The following MYO16 variants were observed in gnomAD, a reference collection of about 807,000 sequenced individuals.
MYO16 encodes the protein unconventional myosin-XVI.
Under a neutral mutation model 205.3 loss-of-function variants are expected in MYO16, and 94 were observed. That is an observed-to-expected ratio of 0.46 (90% CI 0.39 to 0.54). The LOEUF is 0.54. Among genes scored for constraint, MYO16 ranks in the 20% least tolerant of loss-of-function variants. MYO16 has a pLI of 0.00. For synonymous variants in MYO16, 988 were observed against 954.0 expected, an observed-to-expected ratio of 1.04 and a Z score of -0.66; for missense variants, 2,315 against 2,387.5, an observed-to-expected ratio of 0.97 and a Z score of 0.63.
chr13:108,967,404 A>G (rs1165935324), intron 20 of MYO16, among the ~76,000 whole-genome samples: 1 of 152,186 alleles, frequency 6.6e-6, no homozygotes, highest in East Asian at 1.9e-4. Flanking sequence ...CTTCTAAACA[A>G]AAACCCTGGG....
intron 10 of MYO16, among the ~76,000 whole-genome samples, chr13:108,852,555 A>G (rs1877936629): frequency 6.6e-6 from 1 of 152,220 alleles, no homozygotes; most frequent in Admixed American, 6.5e-5. Context: ...AACCTTCCTC[A>G]GAAAGAAATA....
intron 3 of MYO16, among the ~76,000 whole-genome samples, chr13:108,715,552 G>A (rs1376154920): frequency 6.6e-6 from 1 of 152,214 alleles, no homozygotes; most frequent in Non-Finnish European, 1.5e-5. Context: ...ACTCGGAGAT[G>A]CTCAGTAGAT....
intron 27 of MYO16, among the ~76,000 whole-genome samples, chr13:109,076,605 T>C (rs1888113739): frequency 6.6e-6 from 1 of 152,096 alleles, no homozygotes; most frequent in Admixed American, 6.6e-5. Context: ...ATGCTCCATC[T>C]CAAGAAATCC....
intron 1 of MYO16, among the ~76,000 whole-genome samples, chr13:108,609,709 T>G (rs1391448956): frequency 6.6e-6 from 1 of 152,118 alleles, no homozygotes; most frequent in African/African-American, 2.4e-5. Context: ...ATACAGAGAT[T>G]TATTTATTTA....
At chr13:108,866,735 G>A (rs1878734885) in intron 12 of MYO16, among the ~76,000 whole-genome samples, 1 of 152,162 alleles carries the variant, frequency 6.6e-6, no homozygotes, top group Admixed American at 6.5e-5. Context: ...CCAGTCAATT[G>A]AAAATGCAGT....
rs761317772 is a variant in MYO16, at chr13:108,964,816, C to T, written c.2283C>T (p.Leu761=). 6.2e-7 allele frequency: 1 copy of T among 1,614,116 alleles called. No individual in the cohort carries two copies. ...AGATTGCTGAGTTTTTCCGAGACCT[C>T]TTGGCCAAGTCCCTGTACAGTCGTT... ...TIQIAEFFRD[L]LAKSLYSRLF... is the part of the protein sequence containing the mutation. Residue 761 remains leucine (L), a synonymous_variant, in exon 20 of 35, where the codon CTC becomes CTT. Transcript: ENST00000457511.
At chr13:108,612,583 G>T (rs1178148102) in intron 1 of MYO16, among the ~76,000 whole-genome samples, 4 of 152,108 alleles carry the variant, frequency 2.6e-5, no homozygotes, top group Admixed American at 6.6e-5. Flanking sequence ...TTGCCCAAAT[G>T]GAGTTCACAG....
At chr13:108,808,518 G>T (rs1887185600) in intron 7 of MYO16, among the ~76,000 whole-genome samples, 1 of 151,826 alleles carries the variant, frequency 6.6e-6, no homozygotes, top group South Asian at 2.1e-4. Flanking sequence ...TCGCTATGTT[G>T]CCCAGGCTGG....
At chr13:108,705,433 A>G (rs1225807671) in intron 2 of MYO16, among the ~76,000 whole-genome samples, 1 of 152,192 alleles carries the variant, frequency 6.6e-6, no homozygotes, top group African/African-American at 2.4e-5. Context: ...CATCATCACA[A>G]GAAGAATAAG....
chr13:108,562,898 CG>C, the MYO16 span, among the ~76,000 whole-genome samples: 2 of 152,020 alleles, frequency 1.3e-5, no homozygotes, highest in Non-Finnish European at 2.9e-5. Context: ...TCATTGTTAA[CG>C]GACTGTGTTT....
In MYO16 at chr13:109,162,534, G is replaced by C. The variant is rs1358309076; in HGVS notation, c.5165-2367G>C. Among the ~76,000 whole-genome samples the C allele has an allele frequency of 1.3e-5, 2 of 152,100 alleles. No homozygotes were observed. Among genetic ancestry groups the C allele is most frequent in the Non-Finnish European group, 2.9e-5 (2 of 68,028 alleles). On this transcript the variant is annotated intron_variant, in intron 32 of 34. Coordinates refer to ENST00000457511, the MANE Select transcript of MYO16 (RefSeq NM_001198950.3). The surrounding 1 kb of genome is among the most constrained non-coding windows in gnomAD (Gnocchi z 4.6). Reference sequence around the variant, plus strand: ...TCATGGACCTCACCCACCTTGCCTGGCTGCCCACCAGTGTTTTCCACTTAC... The same window carrying C: ...TCATGGACCTCACCCACCTTGCCTGCCTGCCCACCAGTGTTTTCCACTTAC...
intron 28 of MYO16, among the ~76,000 whole-genome samples, chr13:109,104,029 A>T (rs1270367643): frequency 6.6e-6 from 1 of 152,172 alleles, no homozygotes; most frequent in African/African-American, 2.4e-5. Context: ...ACCTTATTTT[A>T]GATTTGAGGT....
At chr13:108,961,182 A>T (rs1883565582) in intron 17 of MYO16, among the ~76,000 whole-genome samples, 1 of 152,208 alleles carries the variant, frequency 6.6e-6, no homozygotes, top group Admixed American at 6.5e-5. Flanking sequence ...GGGGGAGTGA[A>T]GTCTAACCTT....
intron 2 of MYO16, among the ~76,000 whole-genome samples, chr13:108,701,980 G>C (rs1292006508): frequency 6.6e-6 from 1 of 151,440 alleles, no homozygotes; most frequent in Non-Finnish European, 1.5e-5. Flanking sequence ...TGAATTTAAA[G>C]ATAGATCAAT....
chr13:108,590,258 T>C, the MYO16 span, among the ~76,000 whole-genome samples: 1 of 152,344 alleles, frequency 6.6e-6, no homozygotes, highest in South Asian at 2.1e-4. Context: ...AATCTGAGTC[T>C]TATGCAGTGG....
chr13:108,935,276 T>A (rs1412067371), intron 16 of MYO16, among the ~76,000 whole-genome samples: 1 of 152,202 alleles, frequency 6.6e-6, no homozygotes, highest in African/African-American at 2.4e-5. Flanking sequence ...CCCATTTGTT[T>A]GTGTCATCTG....
At chr13:108,929,226 T>C (rs1882144542) in intron 16 of MYO16, among the ~76,000 whole-genome samples, 1 of 152,204 alleles carries the variant, frequency 6.6e-6, no homozygotes, top group African/African-American at 2.4e-5. Flanking sequence ...CTTCAAAGAA[T>C]ACAAAATTGT....
At chr13:108,641,104 G>C (rs927526239) in intron 1 of MYO16, among the ~76,000 whole-genome samples, 2 of 152,164 alleles carry the variant, frequency 1.3e-5, no homozygotes, top group African/African-American at 4.8e-5. Flanking sequence ...CAGTCAATAT[G>C]TCATCTCCAC....
intron 32 of MYO16, among the ~76,000 whole-genome samples, chr13:109,150,221 A>G (rs888731100): frequency 2.6e-5 from 4 of 152,204 alleles, no homozygotes; most frequent in African/African-American, 9.6e-5. Context: ...ACTTTCTTTA[A>G]ACAGGCAAAA....
Sources: allele counts gnomAD v4.1 joint callset (sites outside exome capture counted in the v4.1 genomes callset), GRCh38; gene constraint gnomAD v4.1.1; non-coding constraint Gnocchi (gnomAD v3.1); transcripts MANE v1.5; gene names NCBI Gene and HGNC (gene_info 2026-07-23, HGNC 2026-07-21).